NEBL: variants seen among roughly 807,000 people sequenced by gnomAD.
NEBL encodes nebulette.
Under a neutral mutation model 140.2 loss-of-function variants are expected in NEBL, and 122 were observed. The observed-to-expected ratio is 0.87, with a 90% CI of 0.75 to 1.01. The LOEUF (loss-of-function observed/expected upper bound fraction) is 1.01. NEBL is among the 50% of genes least tolerant of loss of function. NEBL has a pLI of 0.00. For missense variants in NEBL, 1,365 were observed against 1,231.3 expected (o/e 1.11, Z -1.62); for synonymous variants, 436 against 398.9 (o/e 1.09, Z -1.11).
At chr10:21,209,731 G>A (rs946272167) in intron 3 of NEBL, among the ~76,000 whole-genome samples, 1 of 147,902 alleles carries the variant, frequency 6.8e-6, no homozygotes, top group Non-Finnish European at 1.5e-5. Flanking sequence ...TTGAGATCAC[G>A]AGGTAACAAA....
chr10:20,927,809 T>G (rs901864933), intron 4 of NEBL, among the ~76,000 whole-genome samples: 2 of 152,170 alleles, frequency 1.3e-5, no homozygotes, highest in Non-Finnish European at 2.9e-5. Context: ...TGAGGCTATG[T>G]TTCCTAAACT....
chr10:20,910,939 G>C (rs1182721750), intron 4 of NEBL, among the ~76,000 whole-genome samples: 2 of 151,868 alleles, frequency 1.3e-5, no homozygotes, highest in East Asian at 3.9e-4. Context: ...AGGTCAGGGT[G>C]GGAGGATGGC....
chr10:21,149,208 G>A (rs1024712430), intron 2 of NEBL, among the ~76,000 whole-genome samples: 4 of 152,192 alleles, frequency 2.6e-5, no homozygotes, highest in African/African-American at 9.7e-5. Context: ...TTCCTGGAGG[G>A]GGTGCAGCAG....
intron 26 of NEBL, among the ~76,000 whole-genome samples, chr10:20,795,946 A>T (rs557673804): frequency 6.6e-6 from 1 of 152,370 alleles, no homozygotes; most frequent in South Asian, 2.1e-4. Flanking sequence ...ATATTAATGG[A>T]TTAAAGATTC....
At chr10:21,038,431 A>T (rs1173716946) in intron 2 of NEBL, among the ~76,000 whole-genome samples, 1 of 152,088 alleles carries the variant, frequency 6.6e-6, no homozygotes, top group Non-Finnish European at 1.5e-5. Context: ...CTCATTGTTC[A>T]ACTCCCACTT....
chr10:21,094,457 GTGCC>G (rs1417076305), intron 2 of NEBL, among the ~76,000 whole-genome samples: 3 of 131,214 alleles, frequency 2.3e-5, no homozygotes, highest in Admixed American at 9.4e-5. Flanking sequence ...AGCCGAGATT[GTGCC>G]ACTGCACTCC....
intron 2 of NEBL, among the ~76,000 whole-genome samples, chr10:21,068,903 T>G (rs1329222948): frequency 6.6e-6 from 1 of 152,186 alleles, no homozygotes; most frequent in Non-Finnish European, 1.5e-5. Flanking sequence ...TGTTGTTGTT[T>G]AAGACTGATT....
intron 2 of NEBL, among the ~76,000 whole-genome samples, chr10:21,140,648 T>C (rs1197966940): frequency 1.3e-5 from 2 of 152,148 alleles, no homozygotes; most frequent in Non-Finnish European, 2.9e-5. Flanking sequence ...TACGGTAAAA[T>C]AAAATCACAC....
In NEBL at chr10:20,887,963, A is replaced by C. The variant is rs541490502; in HGVS notation, c.369+134T>G. On this transcript the variant is annotated intron_variant, in intron 4 of 27. Coordinates refer to ENST00000377122, the MANE Select transcript of NEBL (RefSeq NM_006393.3). ...TTTCAACAGCAACTACTGACAGCAC[A>C]TTAATCAGTTGCTTTCAACTTTCAT... 2.4e-5 allele frequency: 17 copies of C among 714,122 alleles called. No individual in the cohort carries two copies. The African/African-American group carries it at 2.8e-4, about 12-fold the overall frequency. 44.2% of individuals were successfully genotyped at this position (714,122 alleles called of 1,614,324 possible). A position where few individuals can be genotyped will look rare whatever the true frequency, so the allele number is the denominator to read the frequency against.
chr10:21,034,199 C>G (rs1423592341), intron 2 of NEBL, among the ~76,000 whole-genome samples: 2 of 105,914 alleles, frequency 1.9e-5, no homozygotes, highest in East Asian at 5.7e-4. Context: ...AAGACCCAAA[C>G]AAAACTAGAA....
chr10:20,791,096 T>C (rs900323295), intron 26 of NEBL, among the ~76,000 whole-genome samples: 1 of 152,242 alleles, frequency 6.6e-6, no homozygotes, highest in African/African-American at 2.4e-5. Flanking sequence ...GTTTTAGTTA[T>C]ACTAAGTCAA....
chr10:21,259,053 G>GA (rs1588572036), intron 1 of NEBL, among the ~76,000 whole-genome samples: 2 of 150,914 alleles, frequency 1.3e-5, no homozygotes, highest in South Asian at 4.2e-4. Flanking sequence ...GATACTTGGG[G>GA]AAAAAAAGAC....
chr10:20,800,066 C>T (rs1346929662), intron 26 of NEBL, among the ~76,000 whole-genome samples: 1 of 152,092 alleles, frequency 6.6e-6, no homozygotes, highest in East Asian at 1.9e-4. Context: ...CTATATGTTA[C>T]ATCTCTAGAT....
chr10:20,986,640 A>G (rs1837269149), intron 3 of NEBL, among the ~76,000 whole-genome samples: 1 of 152,246 alleles, frequency 6.6e-6, no homozygotes, highest in African/African-American at 2.4e-5. Context: ...GCACACATGT[A>G]CAATTTATAG....
chr10:21,168,013 T>A (rs1840863054), intron 2 of NEBL, among the ~76,000 whole-genome samples: 1 of 152,212 alleles, frequency 6.6e-6, no homozygotes, highest in South Asian at 2.1e-4. Context: ...AAAATGGGTA[T>A]TACGCCCAAT....
chr10:21,283,000 G>A (rs904560668), intron 1 of NEBL, among the ~76,000 whole-genome samples: 1 of 151,996 alleles, frequency 6.6e-6, no homozygotes, highest in Non-Finnish European at 1.5e-5. Flanking sequence ...GCCAGGCATG[G>A]TGGCATGCAC....
At chr10:21,002,638 A>G (rs1837953880) in intron 3 of NEBL, among the ~76,000 whole-genome samples, 1 of 152,198 alleles carries the variant, frequency 6.6e-6, no homozygotes, top group Non-Finnish European at 1.5e-5. Context: ...ACTCACAATC[A>G]TGGCAGAAGG....
At chr10:20,963,258 A>T (rs1836142670) in intron 3 of NEBL, among the ~76,000 whole-genome samples, 1 of 152,164 alleles carries the variant, frequency 6.6e-6, no homozygotes. Context: ...ATGCTGGCAC[A>T]TTCTCAGCGT....
In NEBL at chr10:20,976,672, G is replaced by A. The variant is rs572450806; in HGVS notation, c.250-14893C>T. Among the ~76,000 whole-genome samples the A allele has an allele frequency of 1.9e-3, 290 of 152,208 alleles. 2 individuals are homozygous for A. The highest frequency in any genetic ancestry group is 2.5e-3 in the Non-Finnish European group (171 of 68,024). On this transcript the variant is annotated intron_variant, in intron 3 of 6. Transcript: ENST00000417816. ...TCCTAAGCAAATTAATGTAGAAACAGAAAACCAAATACCACATGTTCTCAC... is the reference window on the plus strand; with the variant it reads ...TCCTAAGCAAATTAATGTAGAAACAAAAAACCAAATACCACATGTTCTCAC...
Sources: gnomAD v4.1 joint callset for allele counts (sites outside exome capture counted in the v4.1 genomes callset) on GRCh38, gnomAD v4.1.1 for gene constraint, MANE v1.5 for transcripts, NCBI Gene and HGNC (gene_info 2026-07-23, HGNC 2026-07-21) for gene names.